CACNA1C: variants seen among roughly 807,000 people sequenced by gnomAD.
CACNA1C encodes calcium voltage-gated channel subunit alpha1 C.
In CACNA1C, 30 loss-of-function variants were observed where a neutral mutation model predicts 229.0. The observed-to-expected ratio is 0.13, with a 90% confidence interval of 0.10 to 0.18. The LOEUF (loss-of-function observed/expected upper bound fraction) is 0.18. Ranked by LOEUF, CACNA1C falls within the 10% of genes least tolerant of loss-of-function variation. The pLI is 1.00. For missense variants in CACNA1C, 1,658 were observed against 2,845.0 expected (o/e 0.58, Z 9.49); for synonymous variants, 1,114 against 1,132.5 (o/e 0.98, Z 0.33).
chr12:2,263,838 C>G (rs1390625105), intron 3 of CACNA1C, among the ~76,000 whole-genome samples: 1 of 151,808 alleles, frequency 6.6e-6, no homozygotes, highest in Admixed American at 6.6e-5. Context: ...TTTGGACATG[C>G]CAAGTTTGAG....
chr12:2,227,501 C>A (rs555281260), intron 3 of CACNA1C, among the ~76,000 whole-genome samples: 241 of 152,282 alleles, frequency 1.6e-3, no homozygotes, highest in Non-Finnish European at 3.1e-3. Flanking sequence ...ACATAAAGTA[C>A]CTGGATGTGC....
intron 5 of CACNA1C, among the ~76,000 whole-genome samples, chr12:2,461,860 A>G (rs2099506444): frequency 6.6e-6 from 1 of 152,102 alleles, no homozygotes. Context: ...TCCGTCCTGG[A>G]TGATGGCGAC....
intron 42 of CACNA1C, 151 bp from the exon 43 acceptor site, chr12:2,682,399 C>A: frequency 1.1e-6 from 1 of 922,834 alleles, no homozygotes; most frequent in Non-Finnish European, 1.6e-6. Context: ...GAACAAAGCA[C>A]CAGCAACTGT....
chr12:2,239,017 A>G (rs980391936), intron 3 of CACNA1C, among the ~76,000 whole-genome samples: 2 of 152,218 alleles, frequency 1.3e-5, no homozygotes, highest in South Asian at 2.1e-4. Flanking sequence ...AGAGGATTAC[A>G]TGACATAACA....
At chr12:2,014,932 C>A (rs916420844) in intron 1 of CACNA1C, among the ~76,000 whole-genome samples, 4 of 152,208 alleles carry the variant, frequency 2.6e-5, no homozygotes, top group African/African-American at 9.6e-5. Flanking sequence ...GCAATCCCTT[C>A]CTGCTCACGG....
At chr12:2,255,020 G>A (rs2076869511) in intron 3 of CACNA1C, among the ~76,000 whole-genome samples, 1 of 152,164 alleles carries the variant, frequency 6.6e-6, no homozygotes, top group African/African-American at 2.4e-5. Context: ...TTAAATGGAA[G>A]CAGCTGTGAT....
chr12:2,203,857 A>T lies in CACNA1C; in HGVS notation c.477+83427A>T, dbSNP rs536446177. On this transcript the variant is annotated intron_variant, in intron 3 of 46. Transcript: ENST00000399655. ...CAAGGGGATGGAACTGAGTGAAGTG[A>T]CCTATAGGCCTACTTCTGGCCAAAT... is the stretch of plus-strand genomic sequence containing the variant. Among the ~76,000 whole-genome samples the T allele has an allele frequency of 3.9e-5, 6 of 152,250 alleles. No individual in the cohort carries two copies. In the South Asian group the frequency reaches 1.0e-3, roughly 26 times the overall value.
chr12:2,128,060 C>T (rs1448438630), intron 3 of CACNA1C, among the ~76,000 whole-genome samples: 1 of 152,176 alleles, frequency 6.6e-6, no homozygotes, highest in Non-Finnish European at 1.5e-5. Context: ...GTAAGGCTCT[C>T]CATAAATATC....
chr12:2,277,381 A>G (rs2089133088), intron 3 of CACNA1C, among the ~76,000 whole-genome samples: 1 of 120,660 alleles, frequency 8.3e-6, no homozygotes, highest in African/African-American at 3.1e-5. Flanking sequence ...ACACACACAC[A>G]CACACACACA....
At chr12:2,643,506 G>A (rs532618565) in intron 30 of CACNA1C, among the ~76,000 whole-genome samples, 1 of 152,276 alleles carries the variant, frequency 6.6e-6, no homozygotes, top group African/African-American at 2.4e-5. Flanking sequence ...CCCAGCTAAC[G>A]TTTGTTTAAC....
At chr12:2,126,174 G>T (rs2089964976) in intron 3 of CACNA1C, among the ~76,000 whole-genome samples, 1 of 151,742 alleles carries the variant, frequency 6.6e-6, no homozygotes, top group Admixed American at 6.5e-5. Flanking sequence ...TCTGTTTGTT[G>T]TATGCTCCAT....
At chr12:2,589,942 C>T (rs566181686) in intron 18 of CACNA1C, among the ~76,000 whole-genome samples, 9 of 152,244 alleles carry the variant, frequency 5.9e-5, no homozygotes, top group East Asian at 1.9e-4. Context: ...ATTGAGCCAG[C>T]GAAGAGAAAA....
intron 3 of CACNA1C, among the ~76,000 whole-genome samples, chr12:2,125,918 T>C (rs2089826096): frequency 6.6e-6 from 1 of 152,236 alleles, no homozygotes; most frequent in African/African-American, 2.4e-5. Flanking sequence ...CAAAGCACAC[T>C]CACACTGTCA....
At chr12:2,662,038 C>T (rs1046085463) in intron 34 of CACNA1C, among the ~76,000 whole-genome samples, 1 of 152,008 alleles carries the variant, frequency 6.6e-6, no homozygotes, top group African/African-American at 2.4e-5. Flanking sequence ...GTCAGGAGAT[C>T]GAGACCATCC....
intron 3 of CACNA1C, among the ~76,000 whole-genome samples, chr12:2,161,024 G>A (rs2095827156): frequency 6.6e-6 from 1 of 152,192 alleles, no homozygotes; most frequent in Non-Finnish European, 1.5e-5. Flanking sequence ...GTTTCACCAT[G>A]TTAGCCAGAC....
At chr12:2,238,502 A>C (rs764845590) in intron 3 of CACNA1C, among the ~76,000 whole-genome samples, 64 of 152,242 alleles carry the variant, frequency 4.2e-4, no homozygotes, top group Non-Finnish European at 2.6e-4. Flanking sequence ...CACCAAAATC[A>C]TGTTGAATCT....
At chr12:2,044,119 A>G (rs1480230531) in intron 1 of CACNA1C, among the ~76,000 whole-genome samples, 1 of 152,246 alleles carries the variant, frequency 6.6e-6, no homozygotes, top group Non-Finnish European at 1.5e-5. Flanking sequence ...AGGACCGAAC[A>G]TGACAAAGGC....
intron 5 of CACNA1C, among the ~76,000 whole-genome samples, chr12:2,474,772 A>AAG (rs397964250): frequency 1.3e-5 from 2 of 150,098 alleles, no homozygotes; most frequent in Non-Finnish European, 3.0e-5. Flanking sequence ...AAAAAAAAAA[A>AAG]GAAAGAAAGA....
rs114714957 is a variant in CACNA1C, at chr12:2,653,977, G to A, written c.4140+77G>A. On this transcript the variant is annotated intron_variant, in intron 33 of 46. Coordinates refer to ENST00000399655, the MANE Select transcript of CACNA1C (RefSeq NM_000719.7). This position sits in a 1 kb window ranked among gnomAD's most constrained non-coding sequence, Gnocchi z 4.7. ...AGTTCCCAGCACCACATTCCCTAAC[G>A]CCTTCCTCCCTCCCTTCTCCCTTTC... The A allele has an allele frequency of 1.5e-5, 17 of 1,154,394 alleles. No homozygotes were observed. Among genetic ancestry groups the A allele is most frequent in the Admixed American group, 1.8e-5 (1 of 56,114 alleles). The allele number at this position is 1,154,394 out of a possible 1,614,324, so 71.5% of individuals were successfully genotyped here.
Sources: allele counts gnomAD v4.1 joint callset (sites outside exome capture counted in the v4.1 genomes callset), GRCh38; gene constraint gnomAD v4.1.1; non-coding constraint Gnocchi (gnomAD v3.1); transcripts MANE v1.5; gene names NCBI Gene and HGNC (gene_info 2026-07-23, HGNC 2026-07-21).